The following PHACTR2 variants were observed in gnomAD, a reference collection of about 807,000 sequenced individuals.
PHACTR2 encodes the protein phosphatase and actin regulator 2, also known as chromosome 6 open reading frame 56.
PHACTR2 carries 30 observed loss-of-function variants against 76.0 expected under a neutral mutation model. That is an observed-to-expected ratio of 0.39 (90% CI 0.30 to 0.54). The LOEUF is 0.54. PHACTR2 is among the 20% of genes least tolerant of loss of function. PHACTR2 has a pLI of 0.61. For missense variants in PHACTR2, 696 were observed against 781.1 expected (o/e 0.89, Z 1.30); for synonymous variants, 292 against 292.5 (o/e 1.00, Z 0.02).
At chr6:143,642,002 A>G (rs561018049) in intron 1 of PHACTR2, among the ~76,000 whole-genome samples, 1 of 152,294 alleles carries the variant, frequency 6.6e-6, no homozygotes, top group East Asian at 1.9e-4. Flanking sequence ...AGCTACATAG[A>G]GGTGAATTAT....
intron 11 of PHACTR2, among the ~76,000 whole-genome samples, chr6:143,802,415 G>C (rs143188719): frequency 6.0e-4 from 91 of 152,012 alleles, no homozygotes; most frequent in African/African-American, 2.2e-3. Context: ...CAAGGCGGGA[G>C]GATTGCTTAA....
intron 2 of PHACTR2, among the ~76,000 whole-genome samples, chr6:143,718,557 G>C (rs1328905675): frequency 6.6e-6 from 1 of 152,146 alleles, no homozygotes; most frequent in Non-Finnish European, 1.5e-5. Flanking sequence ...TCACACATTA[G>C]TTTTTGCTGT....
In PHACTR2 at chr6:143,672,555, T is replaced by C. The variant is rs1331090282; in HGVS notation, c.14-39461T>C. Reference sequence around the variant, plus strand: ...CTATTAGAATTTAATCTTTCTTTAATTCAGGAAGCACTTCACAATCTTAGG... The same window carrying C: ...CTATTAGAATTTAATCTTTCTTTAACTCAGGAAGCACTTCACAATCTTAGG... On this transcript the variant is annotated intron_variant, in intron 1 of 11. Transcript: ENST00000305766. The surrounding 1 kb of genome is among the most constrained non-coding windows in gnomAD (Gnocchi z 5.8). Among the ~76,000 whole-genome samples, 1 of 152,202 alleles carries C rather than the reference T, an allele frequency of 6.6e-6. No homozygotes were observed. The highest frequency in any genetic ancestry group is 1.5e-5 in the Non-Finnish European group (1 of 68,036).
At chr6:143,768,604 A>G (rs1775016086) in intron 6 of PHACTR2, among the ~76,000 whole-genome samples, 1 of 152,214 alleles carries the variant, frequency 6.6e-6, no homozygotes, top group African/African-American at 2.4e-5. Context: ...ATATTTAAGG[A>G]GTTCATTTTA....
intron 12 of PHACTR2, among the ~76,000 whole-genome samples, chr6:143,808,276 G>GT (rs1325719889): frequency 1.3e-5 from 2 of 151,834 alleles, no homozygotes; most frequent in Non-Finnish European, 2.9e-5. Flanking sequence ...TTACAGGCAT[G>GT]TGCCACCATA....
Position 143,760,604 on chromosome 6 carries a change from C to G in PHACTR2, c.658C>G (p.Pro220Ala). ...APGKQAPVPP[P>A]KPASRNTTRE... The stretch of plus-strand genomic sequence containing the variant: ...TGGTAAGCAGGCCCCCGTCCCTCCA[C>G]CCAAGCCAGCAAGCCGAAACACGAC... The change falls in exon 5 of 13, where the codon CCC (proline) becomes GCC (alanine). Residue 220 changes from proline to alanine, a missense_variant. Around this residue, in one of 2 missense-constraint regions of PHACTR2, gnomAD observed 460 missense variants for 450.9 expected, o/e 1.02. Coordinates refer to ENST00000440869, the MANE Select transcript of PHACTR2 (RefSeq NM_001100164.2). This position sits in a 1 kb window ranked among gnomAD's most constrained non-coding sequence, Gnocchi z 6.4. 6.2e-7 allele frequency: 1 copy of G among 1,613,964 alleles called. No homozygotes were observed. The highest frequency in any genetic ancestry group is 1.3e-5 in the African/African-American group (1 of 75,042).
rs189745932 is a variant in PHACTR2 at position 143,591,049 on chromosome 6, T to C, written c.217+53842T>C. On this transcript the variant is annotated intron_variant, in intron 1 of 11. Coordinates refer to the PHACTR2 transcript ENST00000367584. The surrounding 1 kb of genome is among the most constrained non-coding windows in gnomAD (Gnocchi z 6.4). ...ACTTGTATAAAAATACAGCATTTCT[T>C]ATGATAATTTTATGTAAGTATTTGA... Among the ~76,000 whole-genome samples the C allele has an allele frequency of 2.1e-3, 327 of 152,342 alleles. 5 individuals carry two copies. Among genetic ancestry groups the C allele is most frequent in the Non-Finnish European group, 1.5e-3 (103 of 68,032 alleles).
rs1191994358 is a variant in PHACTR2 at position 143,597,633 on chromosome 6, C to T, written c.217+60426C>T. On this transcript the variant is annotated intron_variant, in intron 1 of 11. Transcript: ENST00000367584. The surrounding 1 kb of genome is among the most constrained non-coding windows in gnomAD (Gnocchi z 5.7). ...ATAAAAGGATTAAGGAGATCTGATT[C>T]CCCCTTCAAACAATACATGGTTCCA... Among the ~76,000 whole-genome samples the T allele has an allele frequency of 6.6e-6, 1 of 152,108 alleles. No homozygotes were observed. The highest frequency in any genetic ancestry group is 2.4e-5 in the African/African-American group (1 of 41,432).
chr6:143,756,477 C>T (rs1043288259), intron 4 of PHACTR2, among the ~76,000 whole-genome samples: 6 of 149,672 alleles, frequency 4.0e-5, no homozygotes, highest in Non-Finnish European at 8.9e-5. Flanking sequence ...GGGCGGATCA[C>T]GAGGTCAGGA....
intron 2 of PHACTR2, among the ~76,000 whole-genome samples, chr6:143,713,605 G>A (rs1778232865): frequency 6.6e-6 from 1 of 152,198 alleles, no homozygotes; most frequent in Admixed American, 6.5e-5. Context: ...ACCCGGCTGG[G>A]TGACTTTGAA....
rs2128436016 is a variant in PHACTR2, at chr6:143,602,433, C to T, written c.217+65226C>T. Among the ~76,000 whole-genome samples, 1 of 152,314 alleles carries T rather than the reference C, an allele frequency of 6.6e-6. No individual in the cohort carries two copies. The highest frequency in any genetic ancestry group is 1.9e-4 in the East Asian group (1 of 5,192). ...CCTCATTTCTTGAGCCAGGACTCTC[C>T]ATTCAAGCAGAGCCTGGCTCTGATT... On this transcript the variant is annotated intron_variant, in intron 1 of 11. Coordinates refer to the PHACTR2 transcript ENST00000367584. This position sits in a 1 kb window ranked among gnomAD's most constrained non-coding sequence, Gnocchi z 6.1.
At chr6:143,635,262 T>C (rs1341053782) in intron 1 of PHACTR2, among the ~76,000 whole-genome samples, 2 of 152,180 alleles carry the variant, frequency 1.3e-5, no homozygotes, top group East Asian at 3.9e-4. Flanking sequence ...ACTATTCCAT[T>C]ATTTGCATGT....
rs758360330 is a variant in PHACTR2 at position 143,791,415 on chromosome 6, A to G, written c.1845+2505A>G. Among the ~76,000 whole-genome samples, 53 of 152,188 alleles carry G rather than the reference A, an allele frequency of 3.5e-4. No homozygotes were observed. The highest frequency in any genetic ancestry group is 7.2e-4 in the Non-Finnish European group (49 of 68,038). On this transcript the variant is annotated intron_variant, in intron 11 of 12. Coordinates refer to ENST00000440869, the MANE Select transcript of PHACTR2 (RefSeq NM_001100164.2). The surrounding 1 kb of genome is among the most constrained non-coding windows in gnomAD (Gnocchi z 4.7). Reference sequence around the variant, plus strand: ...GCAACCTTGGCTACAAATTGGAATCACCTATAGATCTTTAAGAATGTGGAT... The same window carrying G: ...GCAACCTTGGCTACAAATTGGAATCGCCTATAGATCTTTAAGAATGTGGAT...
At chr6:143,540,231 G>A (rs763198622) in intron 1 of PHACTR2, among the ~76,000 whole-genome samples, 12 of 152,118 alleles carry the variant, frequency 7.9e-5, no homozygotes, top group Non-Finnish European at 1.5e-4. Flanking sequence ...CCTGCTGTGG[G>A]TCCTTAGAAG....
At chr6:143,804,220 C>G (rs555516148) in intron 11 of PHACTR2, among the ~76,000 whole-genome samples, 1 of 152,198 alleles carries the variant, frequency 6.6e-6, no homozygotes, top group Non-Finnish European at 1.5e-5. Flanking sequence ...CTTCACTAAC[C>G]GTCGGTGCCT....
chr6:143,580,795 T>C lies in PHACTR2; in HGVS notation c.217+43588T>C, dbSNP rs1775563524. Among the ~76,000 whole-genome samples, 1 of 152,174 alleles carries C rather than the reference T, an allele frequency of 6.6e-6. No homozygotes were observed. The highest frequency in any genetic ancestry group is 2.4e-5 in the African/African-American group (1 of 41,442). ...TGTCTCTGAAGACAAGAAGGTGAGA[T>C]AATTAAGAGACTTAGGTTTTGGATG... On this transcript the variant is annotated intron_variant, in intron 1 of 11. Coordinates refer to the PHACTR2 transcript ENST00000367584. This position sits in a 1 kb window ranked among gnomAD's most constrained non-coding sequence, Gnocchi z 4.2.
At position 143,803,890 on chromosome 6, in the gene PHACTR2, C is replaced by G. The variant is rs1481195954; in HGVS notation, c.1846-3167C>G. On this transcript the variant is annotated intron_variant, in intron 11 of 12. Coordinates refer to ENST00000440869, the MANE Select transcript of PHACTR2 (RefSeq NM_001100164.2). This position sits in a 1 kb window ranked among gnomAD's most constrained non-coding sequence, Gnocchi z 4.7. ...GACAAACTTATCCTGAGGTAAACAA[C>G]TGCAGCCGTTAGTGTTGCCAGGCAA... Among the ~76,000 whole-genome samples, 1 of 152,198 alleles carries G rather than the reference C, an allele frequency of 6.6e-6. No individual in the cohort carries two copies. The highest frequency in any genetic ancestry group is 1.5e-5 in the Non-Finnish European group (1 of 68,044).
At chr6:143,675,682 G>A (rs2128451720), upstream of PHACTR2, among the ~76,000 whole-genome samples, 1 of 152,272 alleles carries the variant, frequency 6.6e-6, no homozygotes, top group South Asian at 2.1e-4. The surrounding 1 kb of genome is among the most constrained non-coding windows in gnomAD (Gnocchi z 4.9). Context: ...CTCAGAGTTA[G>A]GTATTGGGTC....
rs565444685 is a variant in PHACTR2, at chr6:143,580,792, A to C, written c.217+43585A>C. On this transcript the variant is annotated intron_variant, in intron 1 of 11. Coordinates refer to the PHACTR2 transcript ENST00000367584. This position sits in a 1 kb window ranked among gnomAD's most constrained non-coding sequence, Gnocchi z 4.2. ...AAATGTCTCTGAAGACAAGAAGGTGAGATAATTAAGAGACTTAGGTTTTGG... is the reference window on the plus strand; with the variant it reads ...AAATGTCTCTGAAGACAAGAAGGTGCGATAATTAAGAGACTTAGGTTTTGG... 6.6e-6 allele frequency among the ~76,000 whole-genome samples: 1 copy of C among 152,350 alleles called. No individual in the cohort carries two copies. Among genetic ancestry groups the C allele is most frequent in the East Asian group, 1.9e-4 (1 of 5,188 alleles).
Sources: allele counts gnomAD v4.1 joint callset (sites outside exome capture counted in the v4.1 genomes callset), GRCh38; gene constraint gnomAD v4.1.1; regional missense constraint gnomAD v4.1.1; non-coding constraint Gnocchi (gnomAD v3.1); transcripts MANE v1.5; gene names NCBI Gene and HGNC (gene_info 2026-07-23, HGNC 2026-07-21).